The following ZNF618 variants were observed in gnomAD, a reference collection of about 807,000 sequenced individuals.
ZNF618 encodes zinc finger protein 618.
Under a neutral mutation model 103.0 loss-of-function variants are expected in ZNF618, and 34 were observed. The observed-to-expected ratio is 0.33, with a 90% CI of 0.25 to 0.44. The LOEUF is 0.44. ZNF618 is among the 20% of genes least tolerant of loss of function. The probability of loss-of-function intolerance (pLI) is 1.00; values close to 1 mark genes in which losing one functional copy is unlikely to be tolerated. For synonymous variants in ZNF618, 551 were observed against 542.2 expected (o/e 1.02, Z -0.23); for missense variants, 1,059 against 1,295.4 (o/e 0.82, Z 2.80).
intron 1 of ZNF618, among the ~76,000 whole-genome samples, chr9:113,955,303 C>T (rs1316042987): frequency 2.7e-5 from 4 of 150,738 alleles, no homozygotes; most frequent in African/African-American, 4.9e-5. Context: ...GATTTCCACA[C>T]CCCACCCCCA....
chr9:113,983,520 C>T (rs1839162691), intron 2 of ZNF618, among the ~76,000 whole-genome samples: 1 of 152,138 alleles, frequency 6.6e-6, no homozygotes, highest in African/African-American at 2.4e-5. Context: ...TCACTGGTCC[C>T]CATCTTCTGT....
chr9:114,029,148 G>A (rs553958642), intron 11 of ZNF618, among the ~76,000 whole-genome samples, 176 bp downstream of exon 11: 47 of 152,138 alleles, frequency 3.1e-4, no homozygotes, highest in Non-Finnish European at 2.2e-4. Context: ...ACCATGACAA[G>A]CCACCTCACA....
chr9:113,959,114 A>G (rs1836594662), intron 1 of ZNF618, among the ~76,000 whole-genome samples: 1 of 152,038 alleles, frequency 6.6e-6, no homozygotes, highest in Non-Finnish European at 1.5e-5. Context: ...ACATGGTGAA[A>G]CCTCGTCTCT....
intron 2 of ZNF618, among the ~76,000 whole-genome samples, chr9:113,987,346 C>T (rs1588244356): frequency 6.6e-6 from 1 of 152,332 alleles, no homozygotes; most frequent in Middle Eastern, 3.4e-3. Flanking sequence ...CAAGTCACAG[C>T]TCTGCTTTAG....
chr9:113,937,962 G>T (rs1834172363), intron 1 of ZNF618, among the ~76,000 whole-genome samples: 1 of 151,906 alleles, frequency 6.6e-6, no homozygotes, highest in South Asian at 2.1e-4. Context: ...TTGTACCAGG[G>T]GGCTCTAAAA....
At chr9:113,970,666 C>A (rs1373165515) in intron 2 of ZNF618, among the ~76,000 whole-genome samples, 2 of 151,916 alleles carry the variant, frequency 1.3e-5, no homozygotes, top group African/African-American at 4.8e-5. Flanking sequence ...ATGATGAATG[C>A]CCTTTCATCT....
At chr9:114,033,418 A>AGAGC (rs1844284524) in intron 12 of ZNF618, among the ~76,000 whole-genome samples, 1 of 147,156 alleles carries the variant, frequency 6.8e-6, no homozygotes, top group African/African-American at 2.7e-5. Flanking sequence ...AGAGAGAGAG[A>AGAGC]GAGCTGTGAG....
At chr9:113,909,942 G>A (rs565507167) in intron 1 of ZNF618, among the ~76,000 whole-genome samples, 2 of 152,150 alleles carry the variant, frequency 1.3e-5, no homozygotes, top group African/African-American at 4.8e-5. Context: ...GTGTTACTAT[G>A]CTCGGCTAAT....
chr9:113,934,388 G>A (rs1833859895), intron 1 of ZNF618, among the ~76,000 whole-genome samples: 1 of 152,146 alleles, frequency 6.6e-6, no homozygotes, highest in Non-Finnish European at 1.5e-5. Flanking sequence ...GTTGATCTTG[G>A]GCAGGTGACT....
chr9:114,041,208 T>A (rs1257332351), intron 13 of ZNF618, among the ~76,000 whole-genome samples: 2 of 152,142 alleles, frequency 1.3e-5, no homozygotes, highest in Non-Finnish European at 2.9e-5. Flanking sequence ...GTTTGAGTTC[T>A]TTGTAGATTC....
intron 1 of ZNF618, among the ~76,000 whole-genome samples, chr9:113,885,183 A>T (rs1193391489): frequency 1.3e-5 from 2 of 152,106 alleles, no homozygotes; most frequent in Non-Finnish European, 2.9e-5. Flanking sequence ...GGGGCAAGGC[A>T]GGCCCTGGGG....
intron 1 of ZNF618, among the ~76,000 whole-genome samples, chr9:113,919,942 C>T (rs551998179): frequency 5.9e-5 from 9 of 152,358 alleles, no homozygotes; most frequent in East Asian, 1.9e-4. Flanking sequence ...ATGCCATCCT[C>T]GTGGGTGGGG....
intron 9 of ZNF618, among the ~76,000 whole-genome samples, chr9:114,010,791 C>T (rs1202730229): frequency 2.0e-5 from 3 of 152,194 alleles, no homozygotes; most frequent in Admixed American, 1.3e-4. Context: ...TCTGTGACCT[C>T]CCCGTTGAGT....
chr9:113,890,422 T>C (rs1268635337), intron 1 of ZNF618, among the ~76,000 whole-genome samples: 1 of 152,216 alleles, frequency 6.6e-6, no homozygotes, highest in Non-Finnish European at 1.5e-5. Context: ...TTCATAGATA[T>C]ATTTTTCATC....
intron 2 of ZNF618, among the ~76,000 whole-genome samples, chr9:113,979,842 G>A (rs867182570): frequency 6.6e-6 from 1 of 152,248 alleles, no homozygotes; most frequent in African/African-American, 2.4e-5. Context: ...AGTACACCGA[G>A]TGGGTAAATA....
At chr9:113,995,211 A>C (rs1475213665) in intron 3 of ZNF618, among the ~76,000 whole-genome samples, 1 of 152,110 alleles carries the variant, frequency 6.6e-6, no homozygotes, top group East Asian at 1.9e-4. Context: ...CATCACCATA[A>C]CAAGATGTAC....
intron 2 of ZNF618, among the ~76,000 whole-genome samples, chr9:113,983,865 A>G (rs1033050297): frequency 6.6e-6 from 1 of 152,148 alleles, no homozygotes; most frequent in African/African-American, 2.4e-5. Context: ...GTGACCATCC[A>G]TTCTAGAAAC....
At chr9:113,964,176 C>A (rs1263073628) in intron 1 of ZNF618, among the ~76,000 whole-genome samples, 1 of 152,170 alleles carries the variant, frequency 6.6e-6, no homozygotes, top group Non-Finnish European at 1.5e-5. Flanking sequence ...CCTCACAGAG[C>A]TAGGGGGACT....
At position 114,008,509 on chromosome 9, in the gene ZNF618, G is replaced by A. The variant is rs1335639588; in HGVS notation, c.709G>A (p.Glu237Lys). Residue 237 changes from glutamate to lysine, a missense_variant, in exon 9 of 15, where the codon GAG (glutamate) becomes AAG (lysine). Transcript: ENST00000374126. ...CGACCAAGGTGTCGTGGCCACGGAC[G>A]AGGTGAAGGAGGAGCCCCCGGAGCC... ...PFDQGVVATD[E>K]VKEEPPEPFQ... 3.1e-6 allele frequency: 5 copies of A among 1,613,984 alleles called. No homozygotes were observed. The East Asian group carries it at 6.7e-5, about 22-fold the overall frequency.
Sources: gnomAD v4.1 joint callset for allele counts (sites outside exome capture counted in the v4.1 genomes callset) on GRCh38, gnomAD v4.1.1 for gene constraint, MANE v1.5 for transcripts, NCBI Gene and HGNC (gene_info 2026-07-23, HGNC 2026-07-21) for gene names.